Variants in FAM193B observed in about 807,000 individuals in gnomAD.
FAM193B encodes the protein family with sequence similarity 193 member B.
In FAM193B, 27 loss-of-function variants were observed where a neutral mutation model predicts 70.7. The observed-to-expected ratio is 0.38, with a 90% CI of 0.28 to 0.53. The LOEUF (loss-of-function observed/expected upper bound fraction) is 0.53, where lower values mean the gene tolerates loss of function less well. Among genes scored for constraint, FAM193B ranks in the 20% least tolerant of loss-of-function variants. The probability of loss-of-function intolerance (pLI) is 0.81; values close to 1 mark genes in which losing one functional copy is unlikely to be tolerated. For synonymous variants in FAM193B, 448 were observed against 436.0 expected (o/e 1.03, Z -0.34); for missense variants, 1,022 against 1,072.5 (o/e 0.95, Z 0.66).
In FAM193B at chr5:177,554,552, A is replaced by G. The variant is rs1766829471; in HGVS notation, c.-94T>C. On this transcript the variant is annotated 5_prime_UTR_variant, in exon 1 of 9. Transcript: ENST00000514747. ...GCCGCTACCGCTCCCCTCACAGGAC[A>G]ACAGCCAATATGGCGGCGCCCGGTT... 1.5e-5 allele frequency: 11 copies of G among 745,738 alleles called. No homozygotes were observed. The South Asian group carries it at 5.0e-4, about 34-fold the overall frequency. The allele number at this position is 745,738 out of a possible 1,614,324, so 46.2% of individuals were successfully genotyped here. A position where few individuals can be genotyped will look rare whatever the true frequency, so the allele number is the denominator to read the frequency against.
At chr5:177,539,221 T>C (rs1284919853) in intron 1 of FAM193B, 74 bp from the exon 2 acceptor site, 3 of 1,448,888 alleles carry the variant, frequency 2.1e-6, no homozygotes, top group African/African-American at 1.4e-5. Context: ...ACAATATTAG[T>C]AATGCCACTT....
At position 177,532,583 on chromosome 5, in the gene FAM193B, G is replaced by C; in HGVS notation, c.1135C>G (p.Gln379Glu). The change falls in exon 5 of 9, where the codon CAG (glutamine) becomes GAG (glutamate). Residue 379 changes from glutamine (Q) to glutamate (E), a missense_variant. Transcript: ENST00000514747. This position sits in a 1 kb window ranked among gnomAD's most constrained non-coding sequence, Gnocchi z 4.9. ...AGCCCCTCATCTGCCTCGCAGGGCT[G>C]GGGCAGCTGGCAAGCCAGGCCACTG... ...AHSGLACQLP[Q>E]PCEADEGLGE... 1 of 1,594,746 alleles carries C rather than the reference G, an allele frequency of 6.3e-7. No homozygotes were observed. The highest frequency in any genetic ancestry group is 1.3e-5 in the African/African-American group (1 of 74,100).
At chr5:177,535,790 T>C (rs1429221613) in intron 4 of FAM193B, among the ~76,000 whole-genome samples, 1 of 152,198 alleles carries the variant, frequency 6.6e-6, no homozygotes, top group Admixed American at 6.5e-5. Flanking sequence ...GTTATTTATA[T>C]ACAGAAACAT....
intron 5 of FAM193B, 131 bp from the exon 6 acceptor site, chr5:177,525,336 CT>C: frequency 1.1e-6 from 1 of 948,806 alleles, no homozygotes; most frequent in Non-Finnish European, 1.4e-6. Context: ...TCCTAGCCTG[CT>C]TACCCACCCT....
chr5:177,536,696 A>T lies in FAM193B; in HGVS notation c.738T>A (p.Ala246=). The T allele has an allele frequency of 6.4e-7, 1 of 1,557,798 alleles. No homozygotes were observed. Among genetic ancestry groups the T allele is most frequent in the Non-Finnish European group, 8.7e-7 (1 of 1,154,318 alleles). ...GGTGGCCGGTGGGGCTGTTAGGGGG[A>T]GCAGTGAGGTCTGAGTGCTGGTGGT... ...SEHHQHSDLT[A]PPNSPTGHHP... The change falls in exon 4 of 9, where the codon GCT becomes GCA. Residue 246 remains alanine (A), a synonymous_variant. Coordinates refer to ENST00000514747, the MANE Select transcript of FAM193B (RefSeq NM_001190946.3).
intron 5 of FAM193B, among the ~76,000 whole-genome samples, chr5:177,526,326 C>G (rs1762591687): frequency 1.3e-5 from 2 of 152,138 alleles, no homozygotes; most frequent in South Asian, 4.1e-4. Context: ...ATGAGGACAG[C>G]TGAGAGTCTG....
intron 1 of FAM193B, among the ~76,000 whole-genome samples, chr5:177,551,813 T>C (rs558697586): frequency 6.6e-6 from 1 of 152,330 alleles, no homozygotes; most frequent in South Asian, 2.1e-4. Flanking sequence ...GACAGGGTTA[T>C]GAGTGGCAAT....
chr5:177,522,167 C>T, intron 7 of FAM193B, 96 bp from the exon 8 acceptor site: 1 of 983,152 alleles, frequency 1.0e-6, no homozygotes, highest in Non-Finnish European at 1.6e-6. Context: ...ACTAAGAGAC[C>T]AGGTTCTCTA....
At chr5:177,530,340 T>A (rs988704414) in intron 5 of FAM193B, among the ~76,000 whole-genome samples, 1 of 152,222 alleles carries the variant, frequency 6.6e-6, no homozygotes, top group African/African-American at 2.4e-5. Context: ...CTGAATTCAC[T>A]GTCTTCTGCA....
chr5:177,554,033 G>C, intron 1 of FAM193B: 2 of 1,338,468 alleles, frequency 1.5e-6, no homozygotes, highest in Non-Finnish European at 1.9e-6. Context: ...AGCAGCTTCA[G>C]CCTAGTCGCA....
chr5:177,553,762 G>C, intron 1 of FAM193B: 1 of 1,287,692 alleles, frequency 7.8e-7, no homozygotes, highest in Non-Finnish European at 1.0e-6. Flanking sequence ...GCGAGGAGGC[G>C]CCAGGAGACA....
chr5:177,524,344 C>T lies in FAM193B; in HGVS notation c.2137G>A (p.Gly713Ser). The T allele has an allele frequency of 6.3e-7, 1 of 1,577,006 alleles. No individual in the cohort carries two copies. Among genetic ancestry groups the T allele is most frequent in the Non-Finnish European group, 8.6e-7 (1 of 1,162,204 alleles). ...AGSPKTEKEK[G>S]SSWRNWPGEA... is the part of the protein sequence containing the mutation. Reference sequence around the variant, plus strand: ...CCTGGCCAGTTTCGCCAGGAGCTGCCCTTCTCCTTCTCAGTTTTGGGACTG... The same window carrying T: ...CCTGGCCAGTTTCGCCAGGAGCTGCTCTTCTCCTTCTCAGTTTTGGGACTG... Residue 713 changes from glycine to serine, a missense_variant, in exon 6 of 9, where the codon GGC becomes AGC. Physicochemically the swap from Gly to Ser is moderately conservative, Grantham distance 56. Transcript: ENST00000514747.
At chr5:177,529,351 G>A (rs1763111976) in intron 5 of FAM193B, among the ~76,000 whole-genome samples, 1 of 152,012 alleles carries the variant, frequency 6.6e-6, no homozygotes, top group Non-Finnish European at 1.5e-5. Flanking sequence ...GGGCTTTGGT[G>A]GAGAGCCAGA....
chr5:177,536,737 A>G lies in FAM193B; in HGVS notation c.697T>C (p.Phe233Leu). The change falls in exon 4 of 9, where the codon TTC becomes CTC. Residue 233 changes from phenylalanine (F) to leucine (L), a missense_variant. Coordinates refer to ENST00000514747, the MANE Select transcript of FAM193B (RefSeq NM_001190946.3). ...GSPPTIPGEA[F>L]PVSEHHQHSD... is the part of the protein sequence containing the mutation. ...TGCTGGTGGTGCTCCGAGACGGGGA[A>G]AGCCTCACCTGTGGGCAGAGGGAGG... 2 of 1,555,688 alleles carry G rather than the reference A, an allele frequency of 1.3e-6. No individual in the cohort carries two copies. The highest frequency in any genetic ancestry group is 1.7e-6 in the Non-Finnish European group (2 of 1,151,232).
intron 1 of FAM193B, among the ~76,000 whole-genome samples, chr5:177,549,919 A>G (rs1320769611): frequency 1.3e-5 from 2 of 152,252 alleles, no homozygotes; most frequent in Non-Finnish European, 2.9e-5. Flanking sequence ...CACACACAAT[A>G]TATTTCCCCC....
chr5:177,554,120 C>T, intron 1 of FAM193B, 129 bp downstream of exon 1: 1 of 1,407,044 alleles, frequency 7.1e-7, no homozygotes, highest in Admixed American at 2.5e-5. Context: ...AGCTTCGGCG[C>T]CGGACCCGGG....
At chr5:177,534,806 C>CAA (rs1763986776) in intron 4 of FAM193B, among the ~76,000 whole-genome samples, 1 of 152,154 alleles carries the variant, frequency 6.6e-6, no homozygotes. Context: ...TTTGTAGAGA[C>CAA]AGAGTCTCAT....
In FAM193B at chr5:177,536,567, C is replaced by T. The variant is rs755719958; in HGVS notation, c.867G>A (p.Gln289=). ...CAGCAGCAACAGGGCACTCTGAAGC[C>T]TGGGCAGGGAAAGGTGCTGCCGGGG... ...PTTPAAPFPA[Q]ASECPVAAAT... The change falls in exon 4 of 9, where the codon CAG becomes CAA. Residue 289 remains glutamine (Q), a synonymous_variant. Transcript: ENST00000514747. 1.3e-6 allele frequency: 2 copies of T among 1,524,244 alleles called. No individual in the cohort carries two copies. The highest frequency in any genetic ancestry group is 4.7e-5 in the Admixed American group (2 of 42,942). 94.4% of individuals were successfully genotyped at this position (1,524,244 alleles called of 1,614,324 possible). A position where few individuals can be genotyped will look rare whatever the true frequency, so the allele number is the denominator to read the frequency against.
chr5:177,528,704 C>T (rs956374978), intron 5 of FAM193B, among the ~76,000 whole-genome samples: 6 of 152,050 alleles, frequency 3.9e-5, no homozygotes, highest in Admixed American at 2.0e-4. Context: ...GGTGTGGGCT[C>T]GGAAGGCCTA....
Sources: allele counts gnomAD v4.1 joint callset (sites outside exome capture counted in the v4.1 genomes callset), GRCh38; gene constraint gnomAD v4.1.1; non-coding constraint Gnocchi (gnomAD v3.1); transcripts MANE v1.5; gene names NCBI Gene and HGNC (gene_info 2026-07-23, HGNC 2026-07-21).